CCDC81: variants seen among roughly 807,000 people sequenced by gnomAD.
CCDC81 encodes coiled-coil domain-containing protein 81.
A neutral mutation model predicts 83.7 loss-of-function variants in CCDC81; 79 were observed. The observed-to-expected ratio is 0.94, with a 90% CI of 0.79 to 1.14. The LOEUF is 1.14. Among genes scored for constraint, CCDC81 ranks in the 50% most tolerant of loss-of-function variants. CCDC81 has a pLI of 0.00. For synonymous variants in CCDC81, 252 were observed against 278.1 expected (o/e 0.91, Z 0.93); for missense variants, 791 against 778.1 (o/e 1.02, Z -0.20).
At chr11:86,397,771 G>A (rs1232997836) in intron 6 of CCDC81, 29 bp downstream of exon 6, 5 of 1,604,304 alleles carry the variant, frequency 3.1e-6, no homozygotes, top group Non-Finnish European at 4.3e-6. Flanking sequence ...GGTCCAATCT[G>A]TCACTCTTTA....
At chr11:86,378,652 ATT>A (rs2138485704) in intron 1 of CCDC81, among the ~76,000 whole-genome samples, 1 of 152,240 alleles carries the variant, frequency 6.6e-6, no homozygotes, top group Non-Finnish European at 1.5e-5. Flanking sequence ...TTGACATACT[ATT>A]TTTAGGTGCA....
At position 86,422,607 on chromosome 11, in the gene CCDC81, T is replaced by C; in HGVS notation, c.1851T>C (p.Cys617=). The stretch of plus-strand genomic sequence containing the variant: ...ACAAGCTGTTTCTCCTAGACCAGTG[T>C]GAGAAGTATCGGCGCTGCAAGCAAT... ...ASDKLFLLDQ[C]EKYRRCKQCQ... Residue 617 remains cysteine, a synonymous_variant, in exon 15 of 15, where the codon TGT becomes TGC. Transcript: ENST00000445632. The C allele has an allele frequency of 1.2e-6, 2 of 1,613,758 alleles. No homozygotes were observed. Among genetic ancestry groups the C allele is most frequent in the Non-Finnish European group, 1.7e-6 (2 of 1,179,708 alleles).
chr11:86,421,506 T>C (rs931733918), intron 14 of CCDC81, among the ~76,000 whole-genome samples: 1 of 152,112 alleles, frequency 6.6e-6, no homozygotes, highest in Non-Finnish European at 1.5e-5. Flanking sequence ...GAGACAGGGT[T>C]TCACCGTGTT....
At chr11:86,386,381 C>T (rs556245025) in intron 2 of CCDC81, among the ~76,000 whole-genome samples, 2 of 152,136 alleles carry the variant, frequency 1.3e-5, no homozygotes, top group Non-Finnish European at 2.9e-5. Context: ...TAGTGCTGAT[C>T]AGCCTGGGTG....
In CCDC81 at chr11:86,375,609, T is replaced by C. The variant is rs549529387; in HGVS notation, c.79+367T>C. 1.2e-4 allele frequency among the ~76,000 whole-genome samples: 18 copies of C among 152,256 alleles called. No homozygotes were observed. The South Asian group carries it at 3.7e-3, about 32-fold the overall frequency. On this transcript the variant is annotated intron_variant, in intron 1 of 14. Coordinates refer to ENST00000445632, the MANE Select transcript of CCDC81 (RefSeq NM_001156474.2). The stretch of plus-strand genomic sequence containing the variant: ...ATGCAGGGACCCTAAATGGCTCCTT[T>C]TGAGAGTTCATGCAAAGACGGTTGA...
At chr11:86,412,587 A>G (rs755665240) in intron 11 of CCDC81, 28 bp downstream of exon 11, 9 of 1,555,550 alleles carry the variant, frequency 5.8e-6, no homozygotes, top group Non-Finnish European at 6.9e-6. Flanking sequence ...CGCTCTGACA[A>G]ATGGATTTGG....
intron 1 of CCDC81, among the ~76,000 whole-genome samples, chr11:86,377,658 G>C (rs1948115901): frequency 6.6e-6 from 1 of 152,086 alleles, no homozygotes; most frequent in South Asian, 2.1e-4. Context: ...GTTTTTAAGA[G>C]TTATTTGTAT....
intron 14 of CCDC81, among the ~76,000 whole-genome samples, chr11:86,422,372 C>T (rs1301170409): frequency 2.6e-5 from 4 of 152,060 alleles, no homozygotes; most frequent in Middle Eastern, 3.2e-3. Context: ...AGGCACAAGT[C>T]GTGGCTTTTT....
intron 13 of CCDC81, among the ~76,000 whole-genome samples, chr11:86,417,758 G>GT (rs1456575759): frequency 7.1e-5 from 10 of 141,560 alleles, no homozygotes; most frequent in African/African-American, 2.6e-4. Context: ...TTTTTTTTTT[G>GT]TTTTTTTGAG....
chr11:86,420,037 G>A lies in CCDC81; in HGVS notation c.1801G>A (p.Asp601Asn). The change falls in exon 14 of 15, where the codon GAC (aspartate) becomes AAC (asparagine). Residue 601 changes from aspartate (D) to asparagine (N), a missense_variant. Physicochemically the swap from Asp to Asn is conservative, Grantham distance 23. Transcript: ENST00000445632. ...GATGAAGAAGCAGCGAGACCTGGAG[G>A]ACAAGGCTTTTGAACGGTAATGCCT... ...AAMKKQRDLE[D>N]KAFERASDKL... 6.2e-7 allele frequency: 1 copy of A among 1,613,446 alleles called. No homozygotes were observed. The highest frequency in any genetic ancestry group is 8.5e-7 in the Non-Finnish European group (1 of 1,179,778).
intron 11 of CCDC81, 24 bp downstream of exon 11, chr11:86,412,583 G>A: frequency 6.4e-7 from 1 of 1,560,546 alleles, no homozygotes; most frequent in Non-Finnish European, 8.6e-7. Flanking sequence ...CACACGCTCT[G>A]ACAAATGGAT....
At chr11:86,419,827 A>C (rs1948765205) in intron 13 of CCDC81, 101 bp from the exon 14 acceptor site, 1 of 1,325,562 alleles carries the variant, frequency 7.5e-7, no homozygotes, top group South Asian at 1.7e-5. Context: ...AGTGAACAAA[A>C]CCAGAAGGTT....
At chr11:86,382,378 G>A (rs572627988) in intron 1 of CCDC81, among the ~76,000 whole-genome samples, 1 of 152,142 alleles carries the variant, frequency 6.6e-6, no homozygotes, top group Non-Finnish European at 1.5e-5. Context: ...ACAGATTATG[G>A]TGATGGACTG....
intron 4 of CCDC81, among the ~76,000 whole-genome samples, chr11:86,394,468 T>C (rs1355659033): frequency 6.6e-6 from 1 of 152,188 alleles, no homozygotes; most frequent in Non-Finnish European, 1.5e-5. Flanking sequence ...TATTTAATCA[T>C]GGAATTGTAG....
intron 13 of CCDC81, among the ~76,000 whole-genome samples, chr11:86,416,558 A>C (rs1156717413): frequency 6.6e-6 from 1 of 152,256 alleles, no homozygotes; most frequent in Non-Finnish European, 1.5e-5. Context: ...TATTGTCCTC[A>C]TATGAGAAAG....
rs1243876917 is a variant in CCDC81 at position 86,408,191 on chromosome 11, G to A, written c.1034G>A (p.Arg345Lys). ...TCCCTGTTGTACTACAGTGAGGAAAGGAGGAGAGAGATAGAAGATGAGAGA... is the reference window on the plus strand; with the variant it reads ...TCCCTGTTGTACTACAGTGAGGAAAAGAGGAGAGAGATAGAAGATGAGAGA... ...RNSLLYYSEE[R>K]RREIEDERLI... The change falls in exon 9 of 15, where the codon AGG becomes AAG. Residue 345 changes from arginine to lysine, a missense_variant. Transcript: ENST00000445632. 5 of 1,614,034 alleles carry A rather than the reference G, an allele frequency of 3.1e-6. 1 individual carries two copies. In the South Asian group the frequency reaches 5.5e-5, roughly 18 times the overall value.
chr11:86,374,955 A>G lies in CCDC81; in HGVS notation c.-209A>G. 1 of 539,018 alleles carries G rather than the reference A, an allele frequency of 1.9e-6. No homozygotes were observed. The highest frequency in any genetic ancestry group is 3.4e-6 in the Non-Finnish European group (1 of 294,876). The allele number at this position is 539,018 out of a possible 1,614,324, so 33.4% of individuals were successfully genotyped here. ...CTGCCCGAGAGCCAGAGCAGTGGGGAGGGACGGCGAGAACCAATGTTTAAG... is the reference window on the plus strand; with the variant it reads ...CTGCCCGAGAGCCAGAGCAGTGGGGGGGGACGGCGAGAACCAATGTTTAAG... On this transcript the variant is annotated 5_prime_UTR_variant, in exon 1 of 15. Transcript: ENST00000445632.
chr11:86,394,414 C>A (rs1241755303), intron 4 of CCDC81, among the ~76,000 whole-genome samples: 3 of 152,202 alleles, frequency 2.0e-5, no homozygotes, highest in Non-Finnish European at 4.4e-5. Context: ...GTTAAAGGAG[C>A]TGAGAAGTCT....
chr11:86,382,076 G>C (rs547144375), intron 1 of CCDC81, among the ~76,000 whole-genome samples: 1 of 151,964 alleles, frequency 6.6e-6, no homozygotes, highest in Non-Finnish European at 1.5e-5. Context: ...AGAAAGGAAG[G>C]GGTCAAGTAA....
Sources: allele counts gnomAD v4.1 joint callset (sites outside exome capture counted in the v4.1 genomes callset), GRCh38; gene constraint gnomAD v4.1.1; transcripts MANE v1.5; gene names NCBI Gene and HGNC (gene_info 2026-07-23, HGNC 2026-07-21).